The following GPC6 variants were observed in gnomAD, a reference collection of about 807,000 sequenced individuals.
The protein encoded by GPC6 is glypican-6.
GPC6 carries 14 observed loss-of-function variants against 55.2 expected under a neutral mutation model. The ratio of observed to expected loss-of-function variants is 0.25; its 90% CI spans 0.17 to 0.40. GPC6 has a LOEUF of 0.40. Ranked by LOEUF, GPC6 falls within the 10% of genes least tolerant of loss-of-function variation. The probability of loss-of-function intolerance (pLI) is 1.00; values close to 1 mark genes in which losing one functional copy is unlikely to be tolerated. For synonymous variants in GPC6, 278 were observed against 259.6 expected, an observed-to-expected ratio of 1.07 and a Z score of -0.68; for missense variants, 641 against 708.5, an observed-to-expected ratio of 0.90 and a Z score of 1.08.
chr13:94,089,578 T>A (rs1885407210), intron 4 of GPC6, among the ~76,000 whole-genome samples: 1 of 151,864 alleles, frequency 6.6e-6, no homozygotes, highest in South Asian at 2.1e-4. Context: ...TTCTTGAGCT[T>A]AGGAACACTA....
At chr13:94,312,300 C>G (rs1876288570) in intron 6 of GPC6, among the ~76,000 whole-genome samples, 1 of 152,186 alleles carries the variant, frequency 6.6e-6, no homozygotes, top group South Asian at 2.1e-4. Context: ...TAAGTACTTA[C>G]AAAAGATCAT....
At chr13:93,288,315 A>T (rs767883992) in intron 1 of GPC6, among the ~76,000 whole-genome samples, 2 of 152,182 alleles carry the variant, frequency 1.3e-5, no homozygotes, top group Non-Finnish European at 2.9e-5. Context: ...ATGGGATCAA[A>T]TAAGCTCTCA....
At chr13:93,985,596 G>A (rs1418214427) in intron 3 of GPC6, among the ~76,000 whole-genome samples, 1 of 150,710 alleles carries the variant, frequency 6.6e-6, no homozygotes, top group African/African-American at 2.5e-5. Flanking sequence ...GGAGGATGAG[G>A]TGGGAGGATC....
rs115663707 is a variant in GPC6 at position 93,871,172 on chromosome 13, G to C, written c.711+40627G>C. 5.6e-3 allele frequency among the ~76,000 whole-genome samples: 853 copies of C among 151,998 alleles called. 7 individuals are homozygous for C. The highest frequency in any genetic ancestry group is 0.019 in the African/African-American group (786 of 41,516). On this transcript the variant is annotated intron_variant, in intron 3 of 8. Coordinates refer to ENST00000377047, the MANE Select transcript of GPC6 (RefSeq NM_005708.5). The stretch of plus-strand genomic sequence containing the variant: ...CTCTAGCATGAGACAGACTCTGTCT[G>C]CACGTTTCTGAATTCTGACTTTGTC...
At chr13:93,610,173 G>A (rs548009059) in intron 2 of GPC6, among the ~76,000 whole-genome samples, 1 of 152,246 alleles carries the variant, frequency 6.6e-6, no homozygotes, top group African/African-American at 2.4e-5. Context: ...ACACTCTGTT[G>A]TAGATTTTAC....
At position 93,227,449 on chromosome 13, in the gene GPC6, G is replaced by A; in HGVS notation, c.-8G>A. On this transcript the variant is annotated 5_prime_UTR_variant, in exon 1 of 9. It removes an upstream start codon present in the reference 5' UTR. Coordinates refer to ENST00000377047, the MANE Select transcript of GPC6 (RefSeq NM_005708.5). The surrounding 1 kb of genome is among the most constrained non-coding windows in gnomAD (Gnocchi z 4.3). ...GGGGTTTACCGAGCTGGATTTGTATGTTGCACCATGCCTTCTTGGATCGGG... is the reference window on the plus strand; with the variant it reads ...GGGGTTTACCGAGCTGGATTTGTATATTGCACCATGCCTTCTTGGATCGGG... 1 of 1,613,698 alleles carries A rather than the reference G, an allele frequency of 6.2e-7. No homozygotes were observed. Among genetic ancestry groups the A allele is most frequent in the South Asian group, 1.1e-5 (1 of 91,056 alleles).
chr13:93,717,225 A>C (rs1325401123), intron 2 of GPC6, among the ~76,000 whole-genome samples: 1 of 151,710 alleles, frequency 6.6e-6, no homozygotes. Flanking sequence ...CAGATAGTTC[A>C]ACTTGAGTAC....
At chr13:93,960,131 G>A (rs113765618) in intron 3 of GPC6, among the ~76,000 whole-genome samples, 2,786 of 152,244 alleles carry the variant, frequency 0.018, 94 homozygotes, top group African/African-American at 0.064. Context: ...CTTCTTGCTG[G>A]TATTTCCTCA....
At chr13:94,214,804 T>C in intron 4 of GPC6, among the ~76,000 whole-genome samples, 1 of 152,230 alleles carries the variant, frequency 6.6e-6, no homozygotes, top group African/African-American at 2.4e-5. Flanking sequence ...ACGCAATTAA[T>C]GCTCTCATTC....
At chr13:94,163,762 C>A (rs9301940) in intron 4 of GPC6, among the ~76,000 whole-genome samples, 1,744 of 152,244 alleles carry the variant, frequency 0.011, 41 homozygotes, top group African/African-American at 0.04. Context: ...CAACTTCACA[C>A]CGAGCCTTGG....
intron 2 of GPC6, among the ~76,000 whole-genome samples, chr13:93,571,132 C>T (rs1178935964): frequency 2.0e-5 from 3 of 152,054 alleles, no homozygotes; most frequent in Admixed American, 1.3e-4. Context: ...AGAAAGAAGT[C>T]CTGCCCTGTA....
intron 2 of GPC6, among the ~76,000 whole-genome samples, chr13:93,746,265 C>T (rs1352082992): frequency 6.6e-6 from 1 of 152,156 alleles, no homozygotes; most frequent in Non-Finnish European, 1.5e-5. Context: ...AGTGCCAGTA[C>T]AGAAGGTGCA....
intron 1 of GPC6, among the ~76,000 whole-genome samples, chr13:93,499,430 G>A (rs1213162749): frequency 3.3e-5 from 5 of 152,134 alleles, no homozygotes; most frequent in African/African-American, 4.8e-5. Flanking sequence ...TGCCACTGGG[G>A]TTTCCATTTT....
chr13:93,451,594 T>C (rs1167395740), intron 1 of GPC6, among the ~76,000 whole-genome samples: 5 of 152,252 alleles, frequency 3.3e-5, no homozygotes, highest in Non-Finnish European at 5.9e-5. Context: ...GAAGCTTGTG[T>C]GTCATAGCCA....
At chr13:93,398,044 T>C (rs923932503) in intron 1 of GPC6, among the ~76,000 whole-genome samples, 3 of 152,184 alleles carry the variant, frequency 2.0e-5, no homozygotes, top group African/African-American at 7.2e-5. Flanking sequence ...GTTTGCTCTG[T>C]GCCAGCCCCC....
At chr13:93,363,422 A>T (rs1007044159) in intron 1 of GPC6, among the ~76,000 whole-genome samples, 146 of 152,128 alleles carry the variant, frequency 9.6e-4, no homozygotes, top group African/African-American at 3.4e-3. Flanking sequence ...ACTGAGAATG[A>T]TGATTTCCGA....
chr13:94,027,926 A>T, intron 4 of GPC6, 32 bp downstream of exon 4: 1 of 1,597,686 alleles, frequency 6.3e-7, no homozygotes, highest in Non-Finnish European at 8.6e-7. Context: ...CCGAGAACAG[A>T]GACGGGACAA....
intron 2 of GPC6, among the ~76,000 whole-genome samples, chr13:93,768,038 T>C (rs74108661): frequency 0.011 from 1,622 of 152,250 alleles, 29 homozygotes; most frequent in African/African-American, 0.037. Context: ...TGAAGGATAA[T>C]GCTGACCTCA....
chr13:93,414,653 G>GC (rs1484533980), intron 1 of GPC6, among the ~76,000 whole-genome samples: 2 of 152,126 alleles, frequency 1.3e-5, no homozygotes, highest in African/African-American at 2.4e-5. Flanking sequence ...TATGTGTGGT[G>GC]CCTGGGCAGA....
Sources: gnomAD v4.1 joint callset for allele counts (sites outside exome capture counted in the v4.1 genomes callset) on GRCh38, gnomAD v4.1.1 for gene constraint, Gnocchi (gnomAD v3.1) non-coding constraint, MANE v1.5 for transcripts, NCBI Gene and HGNC (gene_info 2026-07-23, HGNC 2026-07-21) for gene names.